The following PTPRD variants were observed in gnomAD, a reference collection of about 807,000 sequenced individuals.
PTPRD encodes the protein protein tyrosine phosphatase receptor type D, also known as receptor-type tyrosine-protein phosphatase delta.
Under a neutral mutation model 214.5 loss-of-function variants are expected in PTPRD, and 34 were observed. The observed-to-expected ratio is 0.16, with a 90% CI of 0.12 to 0.21. The LOEUF is 0.21. Among genes scored for constraint, PTPRD ranks in the 10% least tolerant of loss-of-function variants. The pLI is 1.00. For missense variants in PTPRD, 2,545 were observed against 2,398.7 expected, an observed-to-expected ratio of 1.06 and a Z score of -1.27; for synonymous variants, 1,128 against 845.7, an observed-to-expected ratio of 1.33 and a Z score of -5.79.
chr9:10,051,493 A>G (rs1259708350), intron 3 of PTPRD, among the ~76,000 whole-genome samples: 2 of 151,834 alleles, frequency 1.3e-5, no homozygotes, highest in Admixed American at 1.3e-4. Flanking sequence ...GTTCATGTGC[A>G]CAACATGCAG....
chr9:9,522,857 C>T (rs931926333), intron 8 of PTPRD, among the ~76,000 whole-genome samples: 1 of 152,096 alleles, frequency 6.6e-6, no homozygotes, highest in Admixed American at 6.5e-5. Flanking sequence ...TCCAGCTGTG[C>T]CACCTCCCTC....
rs115583633 is a variant in PTPRD at position 9,483,515 on chromosome 9, A to C, written c.-236-86033T>G. Among the ~76,000 whole-genome samples the C allele has an allele frequency of 5.1e-3, 769 of 152,274 alleles. 5 individuals are homozygous for C. Among genetic ancestry groups the C allele is most frequent in the African/African-American group, 0.017 (691 of 41,584 alleles). On this transcript the variant is annotated intron_variant, in intron 8 of 45. Coordinates refer to ENST00000381196, the MANE Select transcript of PTPRD (RefSeq NM_002839.4). The stretch of plus-strand genomic sequence containing the variant: ...GGAAGTTTTCAACAGTTGAGTGACT[A>C]CTGCTAAGCTTACTAGAGTCTAAAG...
chr9:10,519,725 T>TTTA lies in PTPRD; in HGVS notation c.-600+92670_-600+92672dup, dbSNP rs890943081. On this transcript the variant is annotated intron_variant, in intron 2 of 45. Transcript: ENST00000381196. ...TGGTAATTCTCTTAAAATTTCCAAC[T>TTTA]TTATTATTATTATTATTATATCTGT... is the stretch of plus-strand genomic sequence containing the variant. Among the ~76,000 whole-genome samples the TTTA allele has an allele frequency of 1.6e-3, 249 of 152,032 alleles. 1 individual carries two copies. The highest frequency in any genetic ancestry group is 5.4e-3 in the African/African-American group (223 of 41,484).
chr9:10,244,542 G>T (rs1358407276), intron 3 of PTPRD, among the ~76,000 whole-genome samples: 1 of 152,040 alleles, frequency 6.6e-6, no homozygotes, highest in Non-Finnish European at 1.5e-5. Context: ...TACAACAAAA[G>T]TAGTTTATTA....
chr9:8,663,944 A>G (rs1450816753), intron 12 of PTPRD, among the ~76,000 whole-genome samples: 2 of 152,066 alleles, frequency 1.3e-5, no homozygotes, highest in Admixed American at 1.3e-4. Flanking sequence ...TGTTTTTTAA[A>G]TCACTGTGTT....
chr9:8,680,356 T>C (rs977113240), intron 12 of PTPRD, among the ~76,000 whole-genome samples: 2 of 152,278 alleles, frequency 1.3e-5, no homozygotes, highest in African/African-American at 4.8e-5. Context: ...TTTAATTACA[T>C]CTCTTCCAAG....
intron 5 of PTPRD, among the ~76,000 whole-genome samples, chr9:9,805,246 A>G (rs2099065608): frequency 6.6e-6 from 1 of 152,136 alleles, no homozygotes; most frequent in African/African-American, 2.4e-5. Flanking sequence ...GTAGTATGAG[A>G]AGAAGTAATA....
At chr9:10,552,416 C>T (rs1452840096) in intron 2 of PTPRD, among the ~76,000 whole-genome samples, 3 of 152,122 alleles carry the variant, frequency 2.0e-5, no homozygotes, top group African/African-American at 7.2e-5. Context: ...AAACCTTAAA[C>T]TCCATCATGC....
chr9:9,671,104 G>T (rs1021215029), intron 7 of PTPRD, among the ~76,000 whole-genome samples: 4 of 152,154 alleles, frequency 2.6e-5, no homozygotes, highest in African/African-American at 9.7e-5. Flanking sequence ...GAGGGAAACT[G>T]TACCCTACAA....
intron 13 of PTPRD, among the ~76,000 whole-genome samples, chr9:8,633,879 G>A (rs778224337): frequency 6.6e-6 from 1 of 151,946 alleles, no homozygotes; most frequent in African/African-American, 2.4e-5. Context: ...AAGAATTAAT[G>A]CATGCCACCA....
At chr9:10,375,555 T>G (rs1224045942) in intron 2 of PTPRD, among the ~76,000 whole-genome samples, 2 of 152,036 alleles carry the variant, frequency 1.3e-5, no homozygotes, top group Non-Finnish European at 2.9e-5. Context: ...TGTTAGTATG[T>G]TCTATCTTTG....
At chr9:10,567,111 G>C (rs937333901) in intron 2 of PTPRD, among the ~76,000 whole-genome samples, 4 of 152,010 alleles carry the variant, frequency 2.6e-5, no homozygotes, top group Non-Finnish European at 4.4e-5. Flanking sequence ...AATTAGTGTT[G>C]TGAGAGCCTA....
chr9:8,608,000 T>A (rs967266714), intron 14 of PTPRD, among the ~76,000 whole-genome samples: 1 of 152,354 alleles, frequency 6.6e-6, no homozygotes, highest in African/African-American at 2.4e-5. Flanking sequence ...GCTGCAAACA[T>A]CTGTGATTAC....
intron 3 of PTPRD, among the ~76,000 whole-genome samples, chr9:10,071,561 A>T (rs2098017095): frequency 6.6e-6 from 1 of 152,094 alleles, no homozygotes; most frequent in African/African-American, 2.4e-5. Context: ...GTGTATGTCT[A>T]TATGCAAAAA....
intron 2 of PTPRD, among the ~76,000 whole-genome samples, chr9:10,488,366 CAAAAAAAAAAA>C (rs59842348): frequency 4.4e-5 from 3 of 68,418 alleles, no homozygotes; most frequent in Admixed American, 1.6e-4. Context: ...GACTCTGTCT[CAAAAAAAAAAA>C]AAAAAAAAAA....
At chr9:9,772,696 A>G (rs2098762392) in intron 5 of PTPRD, among the ~76,000 whole-genome samples, 2 of 141,366 alleles carry the variant, frequency 1.4e-5, no homozygotes, top group Admixed American at 1.6e-4. Context: ...AGTAAATATT[A>G]TCTTTTTTCA....
chr9:8,525,215 TTA>T (rs779666226), intron 17 of PTPRD, 180 bp from the exon 18 acceptor site: 16 of 722,604 alleles, frequency 2.2e-5, no homozygotes, highest in African/African-American at 7.4e-5. Context: ...CATATAGAGA[TTA>T]TTTTTTTTTT....
At chr9:9,027,816 A>C (rs962836018) in intron 10 of PTPRD, among the ~76,000 whole-genome samples, 47 of 152,086 alleles carry the variant, frequency 3.1e-4, no homozygotes, top group African/African-American at 9.1e-4. Flanking sequence ...TGTCAAACTT[A>C]TCCTAAATTT....
At chr9:9,836,351 C>T (rs890743652) in intron 5 of PTPRD, among the ~76,000 whole-genome samples, 2 of 152,156 alleles carry the variant, frequency 1.3e-5, no homozygotes, top group African/African-American at 2.4e-5. Context: ...CTCAGTGGAT[C>T]TCAGAAGCTC....
Sources: allele counts gnomAD v4.1 joint callset (sites outside exome capture counted in the v4.1 genomes callset), GRCh38; gene constraint gnomAD v4.1.1; transcripts MANE v1.5; gene names NCBI Gene and HGNC (gene_info 2026-07-23, HGNC 2026-07-21).